ZFYVE9: variants seen among roughly 807,000 people sequenced by gnomAD.
The protein encoded by ZFYVE9 is zinc finger FYVE domain-containing protein 9.
Under a neutral mutation model 126.7 loss-of-function variants are expected in ZFYVE9, and 43 were observed. The ratio of observed to expected loss-of-function variants is 0.34; its 90% CI spans 0.27 to 0.44. The LOEUF is 0.44. ZFYVE9 is among the 20% of genes least tolerant of loss of function. ZFYVE9 has a pLI of 1.00. For missense variants in ZFYVE9, 1,476 were observed against 1,697.0 expected (o/e 0.87, Z 2.29); for synonymous variants, 521 against 597.4 (o/e 0.87, Z 1.87).
chr1:52,199,499 T>C (rs1389287983), intron 1 of ZFYVE9, among the ~76,000 whole-genome samples: 2 of 152,262 alleles, frequency 1.3e-5, no homozygotes, highest in Non-Finnish European at 2.9e-5. Flanking sequence ...CCATATCTTT[T>C]TGTGGCTTAA....
intron 1 of ZFYVE9, among the ~76,000 whole-genome samples, chr1:52,154,072 A>G (rs1238284194): frequency 1.3e-5 from 2 of 152,236 alleles, no homozygotes; most frequent in South Asian, 2.1e-4. Flanking sequence ...GCTTATGGTT[A>G]TGGGCCTACT....
intron 1 of ZFYVE9, among the ~76,000 whole-genome samples, chr1:52,193,974 AT>A (rs1486062143): frequency 6.6e-6 from 1 of 152,050 alleles, no homozygotes; most frequent in Non-Finnish European, 1.5e-5. Context: ...TATGTGTACA[AT>A]TAAAGTAGTT....
chr1:52,199,290 C>T (rs1179691497), intron 1 of ZFYVE9, among the ~76,000 whole-genome samples: 1 of 152,044 alleles, frequency 6.6e-6, no homozygotes, highest in Non-Finnish European at 1.5e-5. Context: ...GTTTTGATCT[C>T]CTGACCTCGT....
chr1:52,339,993 A>G, intron 16 of ZFYVE9, 133 bp from the exon 17 acceptor site: 1 of 684,746 alleles, frequency 1.5e-6, no homozygotes, highest in Non-Finnish European at 2.6e-6. Flanking sequence ...TCTTGCTATG[A>G]TGTGCTGCAC....
chr1:52,323,962 G>T (rs1312306780), intron 13 of ZFYVE9, among the ~76,000 whole-genome samples: 1 of 150,910 alleles, frequency 6.6e-6, no homozygotes, highest in East Asian at 1.9e-4. Flanking sequence ...GAGAGGCTGA[G>T]ACAGGAGAAT....
intron 1 of ZFYVE9, among the ~76,000 whole-genome samples, chr1:52,190,931 G>T (rs2124555118): frequency 6.6e-6 from 1 of 151,958 alleles, no homozygotes; most frequent in African/African-American, 2.4e-5. Flanking sequence ...ATATTTTATG[G>T]ATATTCATTC....
intron 4 of ZFYVE9, among the ~76,000 whole-genome samples, chr1:52,256,032 TCTTTCTTTCTTTC>T (rs1645514561): frequency 4.8e-5 from 3 of 62,144 alleles, no homozygotes; most frequent in African/African-American, 2.2e-4. Flanking sequence ...TTTCTTTCTG[TCTTTCTTTCTTTC>T]TCTCTCTCTC....
chr1:52,345,921 G>A (rs1646479555), intron 18 of ZFYVE9, 139 bp from the exon 19 acceptor site: 1 of 845,804 alleles, frequency 1.2e-6, no homozygotes, highest in Non-Finnish European at 1.7e-6. Flanking sequence ...CAGAAAAGAG[G>A]ATAAATTTGT....
intron 1 of ZFYVE9, among the ~76,000 whole-genome samples, chr1:52,190,516 C>T (rs1199446556): frequency 6.6e-6 from 1 of 152,146 alleles, no homozygotes; most frequent in East Asian, 1.9e-4. Context: ...ATGTTTCTGT[C>T]TCATGTGCTG....
chr1:52,255,981 T>TTCC lies in ZFYVE9; in HGVS notation c.2179-7791_2179-7790insCCT, dbSNP rs1645512686. On this transcript the variant is annotated intron_variant, in intron 4 of 18. Coordinates refer to ENST00000287727, the MANE Select transcript of ZFYVE9 (RefSeq NM_004799.4). ...TTCTTTTCTTTTCTTTCTTTCTTTC[T>TTCC]TTCCTTCCTTCCTTCCTTCCTTCCT... is the stretch of plus-strand genomic sequence containing the variant. Among the ~76,000 whole-genome samples, 97 of 115,676 alleles carry TTCC rather than the reference T, an allele frequency of 8.4e-4. 3 individuals are homozygous for TTCC. The highest frequency in any genetic ancestry group is 2.7e-3 in the African/African-American group (73 of 27,284). The allele number at this position is 115,676 out of a possible 152,430, so 75.9% of individuals were successfully genotyped here. A position where few individuals can be genotyped will look rare whatever the true frequency, so the allele number is the denominator to read the frequency against.
At chr1:52,321,108 G>A (rs1056523157) in intron 13 of ZFYVE9, among the ~76,000 whole-genome samples, 2 of 152,150 alleles carry the variant, frequency 1.3e-5, no homozygotes, top group African/African-American at 2.4e-5. Flanking sequence ...TCTTGTATAG[G>A]ACAGGCTGAA....
intron 4 of ZFYVE9, among the ~76,000 whole-genome samples, chr1:52,247,810 CAAACTT>C (rs1199571989): frequency 1.3e-5 from 2 of 152,040 alleles, no homozygotes; most frequent in African/African-American, 4.8e-5. Flanking sequence ...TTTATCATCT[CAAACTT>C]AATAACTTCC....
At chr1:52,197,884 G>T (rs1280824421) in intron 1 of ZFYVE9, among the ~76,000 whole-genome samples, 1 of 152,088 alleles carries the variant, frequency 6.6e-6, no homozygotes. Flanking sequence ...GAATGTGAAG[G>T]GTTCACTGTT....
chr1:52,317,750 G>C (rs368200870), intron 13 of ZFYVE9, among the ~76,000 whole-genome samples: 5 of 152,050 alleles, frequency 3.3e-5, no homozygotes, highest in Non-Finnish European at 7.4e-5. Context: ...TGTAAAAGAG[G>C]GAAACTATCA....
At chr1:52,164,877 T>A (rs556307987) in intron 1 of ZFYVE9, among the ~76,000 whole-genome samples, 286 of 152,216 alleles carry the variant, frequency 1.9e-3, no homozygotes, top group African/African-American at 6.7e-3. Context: ...TAAAATAATA[T>A]GATTGGGAAG....
chr1:52,332,732 A>C (rs1428393626), intron 13 of ZFYVE9, 36 bp from the exon 14 acceptor site: 1 of 1,598,236 alleles, frequency 6.3e-7, no homozygotes, highest in African/African-American at 1.3e-5. Context: ...AAAAATGCCC[A>C]TTCTTGTCAG....
At chr1:52,216,295 A>C in intron 1 of ZFYVE9, 74 bp from the exon 2 acceptor site, 1 of 397,528 alleles carries the variant, frequency 2.5e-6, no homozygotes, top group Non-Finnish European at 4.4e-6. Flanking sequence ...TTGTCTGGCT[A>C]TGGTAGATTT....
At chr1:52,320,822 A>G (rs1183010457) in intron 13 of ZFYVE9, among the ~76,000 whole-genome samples, 1 of 152,178 alleles carries the variant, frequency 6.6e-6, no homozygotes, top group Non-Finnish European at 1.5e-5. Flanking sequence ...AAATTCATCA[A>G]ATTGTACACT....
At chr1:52,160,115 A>C in intron 1 of ZFYVE9, 3 of 544,602 alleles carry the variant, frequency 5.5e-6, no homozygotes, top group Non-Finnish European at 6.6e-6. Flanking sequence ...CCTTGATTAT[A>C]GAGATTCATG....
Sources: allele counts gnomAD v4.1 joint callset (sites outside exome capture counted in the v4.1 genomes callset), GRCh38; gene constraint gnomAD v4.1.1; transcripts MANE v1.5; gene names NCBI Gene and HGNC (gene_info 2026-07-23, HGNC 2026-07-21).